The following SNX29 variants were observed in gnomAD, a reference collection of about 807,000 sequenced individuals.
SNX29 encodes sorting nexin 29.
Under a neutral mutation model 102.1 loss-of-function variants are expected in SNX29, and 78 were observed. The ratio of observed to expected loss-of-function variants is 0.76; its 90% confidence interval spans 0.64 to 0.92. The LOEUF is 0.92. SNX29 is among the 40% of genes least tolerant of loss of function. The pLI is 0.00. For missense variants in SNX29, 1,280 were observed against 1,061.7 expected, an observed-to-expected ratio of 1.21 and a Z score of -2.86; for synonymous variants, 580 against 414.5, an observed-to-expected ratio of 1.40 and a Z score of -4.85.
At chr16:12,270,058 A>G (rs762072703) in intron 14 of SNX29, among the ~76,000 whole-genome samples, 2 of 151,936 alleles carry the variant, frequency 1.3e-5, no homozygotes, top group African/African-American at 2.4e-5. Context: ...ATGGGGTTTC[A>G]CCATGTTGGC....
At chr16:12,013,500 A>ATATATAT (rs1555518837) in intron 3 of SNX29, among the ~76,000 whole-genome samples, 5 of 31,612 alleles carry the variant, frequency 1.6e-4, no homozygotes, top group African/African-American at 2.9e-4. Flanking sequence ...AAAAAAAAAA[A>ATATATAT]ATATATATAT....
intron 11 of SNX29, among the ~76,000 whole-genome samples, chr16:12,101,702 A>G (rs543051428): frequency 1.3e-5 from 2 of 152,110 alleles, no homozygotes; most frequent in Non-Finnish European, 2.9e-5. Context: ...AGTTTTAATC[A>G]TCTTATGTTG....
chr16:12,523,595 A>C (rs2090181945), intron 19 of SNX29, among the ~76,000 whole-genome samples: 1 of 152,194 alleles, frequency 6.6e-6, no homozygotes, highest in South Asian at 2.1e-4. Flanking sequence ...CCTGGTTCCA[A>C]ATTAATGAGA....
At chr16:12,031,809 C>G (rs1364657226) in intron 4 of SNX29, among the ~76,000 whole-genome samples, 1 of 136,274 alleles carries the variant, frequency 7.3e-6, no homozygotes, top group Non-Finnish European at 1.6e-5. Flanking sequence ...CATCTCAAAA[C>G]AAAACAAAGC....
chr16:12,183,539 AGTT>A (rs1271702056), intron 13 of SNX29, among the ~76,000 whole-genome samples: 2 of 152,230 alleles, frequency 1.3e-5, no homozygotes, highest in African/African-American at 4.8e-5. Flanking sequence ...GCAATGTGAA[AGTT>A]GTTTCAGACA....
chr16:12,384,958 G>A (rs1163604780), intron 16 of SNX29, among the ~76,000 whole-genome samples: 2 of 152,198 alleles, frequency 1.3e-5, no homozygotes, highest in East Asian at 1.9e-4. Flanking sequence ...ATCACCTGAG[G>A]TCAGGAGTTC....
In SNX29 at chr16:12,571,977, T is replaced by TA. The variant is rs1301944350; in HGVS notation, c.*3348_*3349insA. The TA allele has an allele frequency of 1.9e-6, 2 of 1,061,756 alleles. No individual in the cohort carries two copies. The highest frequency in any genetic ancestry group is 3.3e-5 in the African/African-American group (2 of 60,854). 65.8% of individuals were successfully genotyped at this position (1,061,756 alleles called of 1,614,324 possible). A position where few individuals can be genotyped will look rare whatever the true frequency, so the allele number is the denominator to read the frequency against. ...CTCTTACAGTCTATGGTGGTAGCCA[T>TA]CTTCACATCCAGTCACCAGTTGCAT... On this transcript the variant is annotated 3_prime_UTR_variant, in exon 21 of 21. Transcript: ENST00000566228.
At chr16:12,164,385 G>T (rs1483095376) in intron 13 of SNX29, among the ~76,000 whole-genome samples, 1 of 152,192 alleles carries the variant, frequency 6.6e-6, no homozygotes, top group East Asian at 1.9e-4. Flanking sequence ...GTGAATGACT[G>T]TAATAAGGAT....
At chr16:12,546,888 G>A (rs893929203) in intron 20 of SNX29, among the ~76,000 whole-genome samples, 1 of 152,206 alleles carries the variant, frequency 6.6e-6, no homozygotes, top group East Asian at 1.9e-4. Context: ...TTTTTCCAGG[G>A]CTAGGAGTGC....
intron 8 of SNX29, among the ~76,000 whole-genome samples, chr16:12,061,303 C>T (rs542933965): frequency 6.6e-6 from 1 of 152,214 alleles, no homozygotes; most frequent in Non-Finnish European, 1.5e-5. Flanking sequence ...GTAGGGAGCA[C>T]AGTGCCTGGC....
chr16:12,081,912 T>C (rs1162274225), intron 11 of SNX29: 2 of 152,758 alleles, frequency 1.3e-5, no homozygotes, highest in Non-Finnish European at 2.9e-5. Context: ...ATAATACATT[T>C]TGATGGTGAA....
At chr16:12,446,984 G>C (rs1326577388) in intron 18 of SNX29, among the ~76,000 whole-genome samples, 1 of 151,404 alleles carries the variant, frequency 6.6e-6, no homozygotes, top group Admixed American at 6.6e-5. Context: ...GACCAACATG[G>C]TGAGACCCCG....
At chr16:12,385,440 G>T (rs2151445214) in intron 16 of SNX29, among the ~76,000 whole-genome samples, 1 of 152,292 alleles carries the variant, frequency 6.6e-6, no homozygotes, top group South Asian at 2.1e-4. Flanking sequence ...AATTCACATT[G>T]TGTCCCGCAG....
At chr16:12,367,557 A>G (rs567038912) in intron 16 of SNX29, 72 of 152,358 alleles carry the variant, frequency 4.7e-4, no homozygotes, top group African/African-American at 1.7e-3. Flanking sequence ...AAGATTCACT[A>G]TACAATAAAA....
intron 16 of SNX29, among the ~76,000 whole-genome samples, chr16:12,387,322 G>A (rs1408969428): frequency 2.0e-5 from 3 of 152,058 alleles, no homozygotes; most frequent in East Asian, 1.9e-4. Context: ...AGCTTGCTCC[G>A]GTGCCCCATT....
At chr16:12,075,129 G>A (rs2051488784) in intron 10 of SNX29, among the ~76,000 whole-genome samples, 1 of 152,216 alleles carries the variant, frequency 6.6e-6, no homozygotes, top group Non-Finnish European at 1.5e-5. Context: ...GTAGCTCAGA[G>A]TAGTTTGATC....
intron 8 of SNX29, among the ~76,000 whole-genome samples, chr16:12,055,871 C>A (rs1380253629): frequency 1.3e-5 from 2 of 152,118 alleles, no homozygotes; most frequent in Non-Finnish European, 2.9e-5. Flanking sequence ...TACAATTAAC[C>A]CTCACAAGTG....
At chr16:12,435,108 T>A (rs1392890940) in intron 18 of SNX29, among the ~76,000 whole-genome samples, 1 of 152,098 alleles carries the variant, frequency 6.6e-6, no homozygotes, top group African/African-American at 2.4e-5. Flanking sequence ...TCACATCACT[T>A]TGCCATTTGC....
At chr16:12,023,421 A>C (rs1567537372) in intron 3 of SNX29, among the ~76,000 whole-genome samples, 1 of 150,662 alleles carries the variant, frequency 6.6e-6, no homozygotes, top group Non-Finnish European at 1.5e-5. Context: ...AAAAAAAAAA[A>C]AAAAAAAGTA....
Sources: allele counts gnomAD v4.1 joint callset (sites outside exome capture counted in the v4.1 genomes callset), GRCh38; gene constraint gnomAD v4.1.1; transcripts MANE v1.5; gene names NCBI Gene and HGNC (gene_info 2026-07-23, HGNC 2026-07-21).